ARHGEF10L: variants seen among roughly 807,000 people sequenced by gnomAD.
ARHGEF10L encodes the protein rho guanine nucleotide exchange factor 10-like protein.
In ARHGEF10L, 69 loss-of-function variants were observed where a neutral mutation model predicts 141.2. The ratio of observed to expected loss-of-function variants is 0.49; its 90% confidence interval spans 0.40 to 0.60. The LOEUF (loss-of-function observed/expected upper bound fraction) is 0.60, where lower values mean the gene tolerates loss of function less well. Ranked by LOEUF, ARHGEF10L falls within the 20% of genes least tolerant of loss-of-function variation. The pLI is 0.00. For missense variants in ARHGEF10L, 1,482 were observed against 1,734.3 expected (o/e 0.85, Z 2.58); for synonymous variants, 711 against 718.5 (o/e 0.99, Z 0.17).
chr1:17,588,692 C>T (rs1006866108), intron 4 of ARHGEF10L, among the ~76,000 whole-genome samples: 4 of 151,894 alleles, frequency 2.6e-5, no homozygotes, highest in South Asian at 4.2e-4. Context: ...CCTCTGAAAC[C>T]GCAGGAGGCA....
At chr1:17,593,207 GT>G (rs2079739675) in intron 4 of ARHGEF10L, among the ~76,000 whole-genome samples, 1 of 152,150 alleles carries the variant, frequency 6.6e-6, no homozygotes, top group Non-Finnish European at 1.5e-5. Context: ...TGCCTCACTC[GT>G]TTTTTATCCC....
At chr1:17,685,321 A>G (rs2064477568) in intron 26 of ARHGEF10L, among the ~76,000 whole-genome samples, 1 of 152,172 alleles carries the variant, frequency 6.6e-6, no homozygotes, top group Admixed American at 6.5e-5. Context: ...GCCTGGTGCA[A>G]TCTGGCCCTA....
In ARHGEF10L at chr1:17,588,899, T is replaced by TGTGTGTG. The variant is rs1557758147; in HGVS notation, c.257+420_257+421insGTGTGTG. 6.6e-3 allele frequency among the ~76,000 whole-genome samples: 199 copies of TGTGTGTG among 30,006 alleles called. 1 individual carries two copies. The highest frequency in any genetic ancestry group is 9.9e-3 in the East Asian group (11 of 1,112). The allele number at this position is 30,006 out of a possible 152,430, so 19.7% of individuals were successfully genotyped here. A position where few individuals can be genotyped will look rare whatever the true frequency, so the allele number is the denominator to read the frequency against. ...GTGTGTGTGTGTGTGTGTGTGTGTG[T>TGTGTGTG]AGTGGGGGAGGTTGGGGGGGTTTGA... On this transcript the variant is annotated intron_variant, in intron 4 of 28. Transcript: ENST00000361221.
chr1:17,516,529 G>C, the ARHGEF10L span, among the ~76,000 whole-genome samples: 1 of 152,172 alleles, frequency 6.6e-6, no homozygotes, highest in African/African-American at 2.4e-5. Context: ...CCTGTCCCCT[G>C]ACCTCTGCTG....
intron 25 of ARHGEF10L, among the ~76,000 whole-genome samples, chr1:17,658,905 G>A (rs997812328): frequency 4.6e-5 from 7 of 152,208 alleles, no homozygotes; most frequent in Non-Finnish European, 1.0e-4. Context: ...AGAGTTGGGG[G>A]AATGGTGTTC....
intron 7 of ARHGEF10L, 33 bp downstream of exon 7, chr1:17,608,010 C>T (rs1038308690): frequency 3.0e-6 from 4 of 1,328,038 alleles, no homozygotes; most frequent in Non-Finnish European, 2.9e-6. Flanking sequence ...TCACCTCAGT[C>T]AGGGCACGGA....
Position 17,619,524 on chromosome 1 carries a change from C to A in ARHGEF10L, c.942+79C>A. The A allele has an allele frequency of 8.5e-7, 1 of 1,175,976 alleles. No homozygotes were observed. The highest frequency in any genetic ancestry group is 2.7e-5 in the Admixed American group (1 of 37,542). 72.8% of individuals were successfully genotyped at this position (1,175,976 alleles called of 1,614,324 possible). ...GGTTCCAGCCTGTTCTCTGGGGCCA[C>A]GCTTGTCTGGATCTCACAGGGGATA... On this transcript the variant is annotated intron_variant, in intron 10 of 28. Coordinates refer to ENST00000361221, the MANE Select transcript of ARHGEF10L (RefSeq NM_018125.4). The surrounding 1 kb of genome is among the most constrained non-coding windows in gnomAD (Gnocchi z 5.0).
chr1:17,689,255 G>T (rs1226311314), intron 27 of ARHGEF10L, among the ~76,000 whole-genome samples: 1 of 151,922 alleles, frequency 6.6e-6, no homozygotes, highest in East Asian at 1.9e-4. Context: ...TAATCTCCCG[G>T]AGCCCCTCAT....
At chr1:17,537,854 C>CAAAAAAAAAAAAAAAAAAAAAA (rs10611023), upstream of ARHGEF10L, among the ~76,000 whole-genome samples, 7 of 79,836 alleles carry the variant, frequency 8.8e-5, no homozygotes, top group East Asian at 3.7e-4. Context: ...ACCATCTCTA[C>CAAAAAAAAAAAAAAAAAAAAAA]AAAAAAAAAA....
At chr1:17,526,219 A>T in the ARHGEF10L span, among the ~76,000 whole-genome samples, 1 of 152,068 alleles carries the variant, frequency 6.6e-6, no homozygotes, top group African/African-American at 2.4e-5. Context: ...AAGCCCAGGG[A>T]GCACAGGAAT....
intron 2 of ARHGEF10L, among the ~76,000 whole-genome samples, chr1:17,581,047 T>C (rs1434477652): frequency 6.6e-6 from 1 of 151,836 alleles, no homozygotes; most frequent in Admixed American, 6.6e-5. Flanking sequence ...AGGCATGGTG[T>C]CTCATGCCTG....
intron 26 of ARHGEF10L, among the ~76,000 whole-genome samples, chr1:17,667,962 G>T (rs1488984965): frequency 6.6e-6 from 1 of 152,204 alleles, no homozygotes; most frequent in African/African-American, 2.4e-5. Flanking sequence ...GCTTCAGACG[G>T]GACCGTAGCT....
At chr1:17,634,722 G>T (rs906203195) in intron 17 of ARHGEF10L, 113 bp from the exon 18 acceptor site, 5 of 1,455,476 alleles carry the variant, frequency 3.4e-6, no homozygotes, top group Admixed American at 2.4e-5. Flanking sequence ...GAGGTCTTGC[G>T]CTGGGGCTGC....
At chr1:17,599,796 C>T (rs2080467380) in intron 4 of ARHGEF10L, among the ~76,000 whole-genome samples, 1 of 152,190 alleles carries the variant, frequency 6.6e-6, no homozygotes, top group African/African-American at 2.4e-5. Context: ...GACACTTGCT[C>T]CTCTAATAGG....
chr1:17,648,827 C>G (rs2061744566), intron 22 of ARHGEF10L, 152 bp downstream of exon 22: 12 of 1,242,388 alleles, frequency 9.7e-6, no homozygotes, highest in South Asian at 3.4e-5. Context: ...TTTGGTCAAG[C>G]CTTTTTGTTG....
rs542913952 is a variant in ARHGEF10L at position 17,683,166 on chromosome 1, C to G, written c.3010-4407C>G. Among the ~76,000 whole-genome samples the G allele has an allele frequency of 2.1e-5, 3 of 140,454 alleles. No homozygotes were observed. The South Asian group carries it at 7.4e-4, about 35-fold the overall frequency. 92.1% of individuals were successfully genotyped at this position (140,454 alleles called of 152,430 possible). A position where few individuals can be genotyped will look rare whatever the true frequency, so the allele number is the denominator to read the frequency against. ...ACCGCGGTGCTCACTGCCCCCTGCT[C>G]TCACCGTGGTGCTCACTGCCCCCTG... On this transcript the variant is annotated intron_variant, in intron 26 of 28. Transcript: ENST00000361221.
chr1:17,617,089 G>A (rs1299744098), intron 9 of ARHGEF10L, among the ~76,000 whole-genome samples: 1 of 152,208 alleles, frequency 6.6e-6, no homozygotes, highest in Non-Finnish European at 1.5e-5. Flanking sequence ...GGATAGAGGA[G>A]GCCTCAGGTG....
Position 17,624,386 on chromosome 1 carries a change from G to T in ARHGEF10L, c.1201-1G>T, listed in dbSNP as rs1274039495. 6.2e-7 allele frequency: 1 copy of T among 1,613,342 alleles called. No individual in the cohort carries two copies. The highest frequency in any genetic ancestry group is 1.3e-5 in the African/African-American group (1 of 74,912). On this transcript the variant is annotated splice_acceptor_variant, in intron 12 of 28. Coordinates refer to ENST00000361221, the MANE Select transcript of ARHGEF10L (RefSeq NM_018125.4). LOFTEE classifies it high-confidence loss of function. ...CCTGGCCCACACCTGCCTTGTTTCA[G>T]TTTTCCAAGTCCATGGTGCTAGATG...
intron 26 of ARHGEF10L, among the ~76,000 whole-genome samples, chr1:17,674,156 T>C (rs539217637): frequency 7.9e-5 from 12 of 152,116 alleles, no homozygotes; most frequent in Non-Finnish European, 1.5e-4. Flanking sequence ...TCTCTCTCCT[T>C]TGCTTTCTTT....
Sources: allele counts gnomAD v4.1 joint callset (sites outside exome capture counted in the v4.1 genomes callset), GRCh38; gene constraint gnomAD v4.1.1; non-coding constraint Gnocchi (gnomAD v3.1); transcripts MANE v1.5; gene names NCBI Gene and HGNC (gene_info 2026-07-23, HGNC 2026-07-21).